The following CRACR2A variants were observed in gnomAD, a reference collection of about 807,000 sequenced individuals.
CRACR2A encodes the protein EF-hand calcium-binding domain-containing protein 4B.
CRACR2A carries 79 observed loss-of-function variants against 90.5 expected under a neutral mutation model. That is an observed-to-expected ratio of 0.87 (90% CI 0.73 to 1.05). The LOEUF is 1.05. Ranked by LOEUF, CRACR2A falls within the 50% of genes least tolerant of loss-of-function variation. The pLI, the probability that CRACR2A is intolerant of heterozygous loss-of-function variation, is 0.00. For synonymous variants in CRACR2A, 338 were observed against 356.7 expected (o/e 0.95, Z 0.59); for missense variants, 823 against 897.2 (o/e 0.92, Z 1.06).
chr12:3,679,913 A>G (rs1591681910), intron 5 of CRACR2A, among the ~76,000 whole-genome samples: 2 of 152,260 alleles, frequency 1.3e-5, no homozygotes, highest in East Asian at 3.9e-4. Flanking sequence ...AGAAAAGGAG[A>G]GGCTGCAAAT....
chr12:3,704,793 C>A (rs190716568), intron 3 of CRACR2A, among the ~76,000 whole-genome samples: 44 of 152,246 alleles, frequency 2.9e-4, no homozygotes, highest in Non-Finnish European at 5.9e-4. Flanking sequence ...GTGGAGGGAG[C>A]TAAATAAACC....
intron 1 of CRACR2A, among the ~76,000 whole-genome samples, chr12:3,747,074 G>T (rs947749169): frequency 6.6e-6 from 1 of 152,226 alleles, no homozygotes; most frequent in African/African-American, 2.4e-5. Flanking sequence ...ACTGGTTAGA[G>T]TAGAACCCAG....
intron 4 of CRACR2A, among the ~76,000 whole-genome samples, chr12:3,682,867 C>T (rs1249607565): frequency 2.6e-5 from 4 of 151,866 alleles, no homozygotes; most frequent in African/African-American, 7.3e-5. Context: ...ACTGCAACCT[C>T]CGCCTCCCGG....
chr12:3,715,332 C>T (rs532935465), intron 2 of CRACR2A, among the ~76,000 whole-genome samples: 1 of 152,242 alleles, frequency 6.6e-6, no homozygotes, highest in Non-Finnish European at 1.5e-5. Context: ...AATATCCCAG[C>T]AATATGCTGT....
chr12:3,711,639 TCTC>T lies in CRACR2A; in HGVS notation c.-37+1595_-37+1597del, dbSNP rs948284384. On this transcript the variant is annotated intron_variant, in intron 3 of 19. Transcript: ENST00000440314. This position sits in a 1 kb window ranked among gnomAD's most constrained non-coding sequence, Gnocchi z 4.3. ...AGATTGAGGCCTTCTCTACAGCTCT[TCTC>T]TTCTTCTGAGCCCTCACCAGAACCA... is the stretch of plus-strand genomic sequence containing the variant. Among the ~76,000 whole-genome samples, 9 of 138,372 alleles carry T rather than the reference TCTC, an allele frequency of 6.5e-5. No individual in the cohort carries two copies. The highest frequency in any genetic ancestry group is 2.3e-4 in the Admixed American group (3 of 13,292). The allele number at this position is 138,372 out of a possible 152,430, so 90.8% of individuals were successfully genotyped here.
intron 4 of CRACR2A, among the ~76,000 whole-genome samples, chr12:3,684,626 T>C (rs992221875): frequency 2.0e-5 from 3 of 152,220 alleles, no homozygotes; most frequent in African/African-American, 4.8e-5. Flanking sequence ...GGTAGAATGT[T>C]TACATCCTGC....
chr12:3,738,952 C>T (rs966407122), intron 1 of CRACR2A, among the ~76,000 whole-genome samples: 2 of 151,960 alleles, frequency 1.3e-5, no homozygotes, highest in Non-Finnish European at 2.9e-5. Context: ...CTTCAACATG[C>T]TAAAATCATG....
chr12:3,685,579 C>T (rs897810582), intron 4 of CRACR2A, among the ~76,000 whole-genome samples: 5 of 152,176 alleles, frequency 3.3e-5, no homozygotes, highest in Admixed American at 6.5e-5. Flanking sequence ...ACACATGCTA[C>T]GATACAGATG....
At chr12:3,693,832 C>G (rs1193616395) in intron 4 of CRACR2A, among the ~76,000 whole-genome samples, 2 of 152,152 alleles carry the variant, frequency 1.3e-5, no homozygotes, top group East Asian at 3.8e-4. Context: ...TTCTTTGCAT[C>G]TGGCTGTGCT....
chr12:3,633,740 T>C lies in CRACR2A; in HGVS notation c.1603-4A>G, dbSNP rs1201006433. The C allele has an allele frequency of 5.8e-6, 9 of 1,551,624 alleles. No homozygotes were observed. The South Asian group carries it at 1.1e-4, about 18-fold the overall frequency. On this transcript the variant is annotated splice_polypyrimidine_tract_variant and splice_region_variant and intron_variant, in intron 14 of 19. Coordinates refer to ENST00000440314, the MANE Select transcript of CRACR2A (RefSeq NM_001144958.2). This position sits in a 1 kb window ranked among gnomAD's most constrained non-coding sequence, Gnocchi z 4.5. The stretch of plus-strand genomic sequence containing the variant: ...GGGCAGAGGGAGAGCTTTCCTCCTG[T>C]GGATGGCACACAATCTGACCAACTG...
rs376130309 is a variant in CRACR2A at position 3,650,440 on chromosome 12, A to G, written c.1047-1827T>C. Among the ~76,000 whole-genome samples the G allele has an allele frequency of 3.9e-5, 6 of 152,284 alleles. 1 individual carries two copies. The highest frequency in any genetic ancestry group is 4.8e-5 in the African/African-American group (2 of 41,550). ...TTTCTCTGGCTCCTGCAGAGATGCA[A>G]ATTCCTGACATTTTATTACCAATTA... is the stretch of plus-strand genomic sequence containing the variant. On this transcript the variant is annotated intron_variant, in intron 10 of 19. Transcript: ENST00000440314.
intron 2 of CRACR2A, among the ~76,000 whole-genome samples, chr12:3,715,000 G>C (rs148464848): frequency 8.5e-5 from 13 of 152,322 alleles, no homozygotes; most frequent in African/African-American, 3.1e-4. Context: ...CTTTACAGCT[G>C]AGGGATTCAG....
intron 7 of CRACR2A, among the ~76,000 whole-genome samples, chr12:3,661,881 C>T (rs999932367): frequency 5.3e-5 from 8 of 152,286 alleles, no homozygotes; most frequent in Non-Finnish European, 1.0e-4. Context: ...TTCATATAAA[C>T]GGCTTACTAT....
At chr12:3,652,378 T>C (rs1028153147) in intron 10 of CRACR2A, among the ~76,000 whole-genome samples, 8 of 152,346 alleles carry the variant, frequency 5.3e-5, no homozygotes, top group Admixed American at 4.6e-4. Context: ...CAATGAAATA[T>C]GTTGTCCTTC....
intron 12 of CRACR2A, among the ~76,000 whole-genome samples, chr12:3,643,677 G>A (rs754129471): frequency 7.5e-5 from 11 of 145,934 alleles, no homozygotes; most frequent in Non-Finnish European, 1.2e-4. Flanking sequence ...ATTTCATGTC[G>A]TTTAGGAAAG....
Position 3,654,339 on chromosome 12 carries a change from T to G in CRACR2A, c.919A>C (p.Lys307Gln). ...AGCTCCTGGTTAGTGAGTTTCAGCT[T>G]GGTATTCTCAGCCTTGGTCTCATGC... ...DKHETKAENT[K>Q]LKLTNQELAR... is the part of the protein sequence containing the mutation. The change falls in exon 10 of 20, where the codon AAG (lysine) becomes CAG (glutamine). Residue 307 changes from lysine (K) to glutamine (Q), a missense_variant. Transcript: ENST00000440314. 6.2e-7 allele frequency: 1 copy of G among 1,613,870 alleles called. No individual in the cohort carries two copies. The highest frequency in any genetic ancestry group is 8.5e-7 in the Non-Finnish European group (1 of 1,179,898).
rs1945292594 is a variant in CRACR2A at position 3,673,689 on chromosome 12, C to A, written c.525-97G>T. 6 of 1,443,106 alleles carry A rather than the reference C, an allele frequency of 4.2e-6. No homozygotes were observed. In the South Asian group the frequency reaches 6.8e-5, roughly 16 times the overall value. The allele number at this position is 1,443,106 out of a possible 1,614,324, so 89.4% of individuals were successfully genotyped here. ...AGGAAACTGACAGCCAGAAACAGTA[C>A]CGTCAGAATCATTATAAAGATGACA... is the stretch of plus-strand genomic sequence containing the variant. On this transcript the variant is annotated intron_variant, in intron 6 of 19. Coordinates refer to ENST00000440314, the MANE Select transcript of CRACR2A (RefSeq NM_001144958.2).
intron 1 of CRACR2A, among the ~76,000 whole-genome samples, chr12:3,750,893 T>C (rs1946692904): frequency 6.6e-6 from 1 of 152,162 alleles, no homozygotes; most frequent in Non-Finnish European, 1.5e-5. Flanking sequence ...GCCTGCCTTC[T>C]GCAGGCTCAC....
intron 14 of CRACR2A, 43 bp downstream of exon 14, chr12:3,638,081 C>T (rs1488967065): frequency 6.7e-7 from 1 of 1,493,256 alleles, no homozygotes; most frequent in African/African-American, 1.4e-5. Flanking sequence ...AGAGACAGAT[C>T]ATAGAAGTGA....
Sources: gnomAD v4.1 joint callset for allele counts (sites outside exome capture counted in the v4.1 genomes callset) on GRCh38, gnomAD v4.1.1 for gene constraint, Gnocchi (gnomAD v3.1) non-coding constraint, MANE v1.5 for transcripts, NCBI Gene and HGNC (gene_info 2026-07-23, HGNC 2026-07-21) for gene names.